MAP4K3: variants seen among roughly 807,000 people sequenced by gnomAD.
MAP4K3 encodes the protein mitogen-activated protein kinase kinase kinase kinase 3, also known as MAPK/ERK kinase kinase kinase 3.
A neutral mutation model predicts 143.5 loss-of-function variants in MAP4K3; 94 were observed. That is an observed-to-expected ratio of 0.65 (90% CI 0.55 to 0.78). The LOEUF is 0.78. MAP4K3 is among the 30% of genes least tolerant of loss of function. The pLI is 0.00. For missense variants in MAP4K3, 1,077 were observed against 1,068.1 expected (o/e 1.01, Z -0.12); for synonymous variants, 416 against 347.2 (o/e 1.20, Z -2.20).
intron 1 of MAP4K3, among the ~76,000 whole-genome samples, chr2:39,425,431 G>A (rs1665038848): frequency 1.3e-5 from 2 of 152,162 alleles, no homozygotes; most frequent in Non-Finnish European, 2.9e-5. Context: ...ACATGTTGAA[G>A]ACCTAACCCT....
chr2:39,362,319 T>A (rs116605829), intron 2 of MAP4K3, among the ~76,000 whole-genome samples: 67 of 152,276 alleles, frequency 4.4e-4, no homozygotes, highest in African/African-American at 1.5e-3. Flanking sequence ...GAAGATGACA[T>A]GACATTGCAT....
At chr2:39,256,549 A>G (rs1573058756) in intron 31 of MAP4K3, among the ~76,000 whole-genome samples, 1 of 152,358 alleles carries the variant, frequency 6.6e-6, no homozygotes, top group East Asian at 1.9e-4. Flanking sequence ...TGTATTACAT[A>G]AATACATTTT....
chr2:39,436,228 C>A (rs1275969345), intron 1 of MAP4K3, among the ~76,000 whole-genome samples: 1 of 151,970 alleles, frequency 6.6e-6, no homozygotes, highest in Non-Finnish European at 1.5e-5. Flanking sequence ...AAACCAGTAC[C>A]TTCCCTAAGT....
chr2:39,255,592 T>C (rs1016264735), intron 31 of MAP4K3, among the ~76,000 whole-genome samples: 1 of 152,242 alleles, frequency 6.6e-6, no homozygotes, highest in South Asian at 2.1e-4. Flanking sequence ...TTAATCACTA[T>C]GGCTTTATAG....
At chr2:39,430,865 A>G (rs1483765371) in intron 1 of MAP4K3, among the ~76,000 whole-genome samples, 1 of 152,188 alleles carries the variant, frequency 6.6e-6, no homozygotes, top group Admixed American at 6.6e-5. Context: ...GTCAAGCCCA[A>G]TGCCACCTCC....
chr2:39,332,151 G>A (rs749429429), intron 7 of MAP4K3, among the ~76,000 whole-genome samples, 162 bp from the exon 8 acceptor site: 3 of 151,966 alleles, frequency 2.0e-5, no homozygotes, highest in East Asian at 3.8e-4. Context: ...TAATGGACTC[G>A]CATTAAAATA....
chr2:39,309,595 T>A, intron 13 of MAP4K3, 76 bp from the exon 14 acceptor site: 1 of 845,388 alleles, frequency 1.2e-6, no homozygotes, highest in Non-Finnish European at 1.8e-6. Flanking sequence ...TCTTGCTCTG[T>A]CTCCCACGCT....
chr2:39,290,501 T>C (rs779029820), intron 18 of MAP4K3, among the ~76,000 whole-genome samples, 167 bp from the exon 19 acceptor site: 18 of 152,164 alleles, frequency 1.2e-4, no homozygotes, highest in Non-Finnish European at 2.5e-4. Context: ...CTAGAGGTAT[T>C]ATTCAGAAGT....
intron 33 of MAP4K3, 37 bp downstream of exon 33, chr2:39,251,792 GT>G: frequency 1.3e-6 from 2 of 1,536,682 alleles, no homozygotes; most frequent in Non-Finnish European, 1.8e-6. Context: ...TATAAAACAC[GT>G]TTAGTACTGT....
At chr2:39,396,212 A>G (rs1346733464) in intron 1 of MAP4K3, among the ~76,000 whole-genome samples, 6 of 151,820 alleles carry the variant, frequency 4.0e-5, no homozygotes, top group Non-Finnish European at 5.9e-5. Flanking sequence ...TAATTTTTAA[A>G]TTTTTTAATG....
At chr2:39,282,159 C>A (rs1023158343) in intron 22 of MAP4K3, among the ~76,000 whole-genome samples, 2 of 149,764 alleles carry the variant, frequency 1.3e-5, no homozygotes, top group Admixed American at 1.3e-4. Context: ...TATGCCACTG[C>A]ACTCTAGCCT....
At chr2:39,331,848 T>G (rs1683691532) in intron 8 of MAP4K3, 69 bp downstream of exon 8, 1 of 1,039,332 alleles carries the variant, frequency 9.6e-7, no homozygotes, top group Non-Finnish European at 1.4e-6. Flanking sequence ...CTGACCAGTC[T>G]ATTTTTTAGA....
intron 1 of MAP4K3, among the ~76,000 whole-genome samples, chr2:39,425,118 C>G (rs893504200): frequency 6.6e-6 from 1 of 152,028 alleles, no homozygotes; most frequent in Non-Finnish European, 1.5e-5. Context: ...CCACCACCCC[C>G]CCAGCCCCTC....
intron 2 of MAP4K3, among the ~76,000 whole-genome samples, chr2:39,362,649 T>G (rs1300232386): frequency 6.6e-6 from 1 of 152,192 alleles, no homozygotes; most frequent in Non-Finnish European, 1.5e-5. Flanking sequence ...TTCAATGTAA[T>G]CTGGAGAACA....
chr2:39,286,870 T>C lies in MAP4K3; in HGVS notation c.1569A>G (p.Lys523=). 1 of 1,605,286 alleles carries C rather than the reference T, an allele frequency of 6.2e-7. No individual in the cohort carries two copies. Among genetic ancestry groups the C allele is most frequent in the Non-Finnish European group, 8.5e-7 (1 of 1,177,734 alleles). The change falls in exon 21 of 34, where the codon AAA becomes AAG. Residue 523 remains lysine, a synonymous_variant. Transcript: ENST00000263881. ...NEHRGTNLSR[K]EKKDVPKPIS... is the part of the protein sequence containing the mutation. Reference sequence around the variant, plus strand: ...TACCTACTGGTACATCTTTCTTTTCTTTTCTTGAAAGGTTTGTGCCTCTAT... The same window carrying C: ...TACCTACTGGTACATCTTTCTTTTCCTTTCTTGAAAGGTTTGTGCCTCTAT...
At chr2:39,322,790 C>T (rs1473669721) in intron 12 of MAP4K3, among the ~76,000 whole-genome samples, 1 of 151,764 alleles carries the variant, frequency 6.6e-6, no homozygotes, top group Admixed American at 6.6e-5. Context: ...TTGCCACAGC[C>T]CCCTGAATAG....
intron 4 of MAP4K3, among the ~76,000 whole-genome samples, chr2:39,339,123 C>A (rs749482889): frequency 6.6e-6 from 1 of 152,148 alleles, no homozygotes; most frequent in African/African-American, 2.4e-5. Flanking sequence ...CACATTTACA[C>A]AAACTTAACA....
Position 39,333,548 on chromosome 2 carries a change from A to G in MAP4K3, c.441T>C (p.Asn147=), listed in dbSNP as rs1369411771. 6.8e-6 allele frequency: 11 copies of G among 1,606,842 alleles called. No homozygotes were observed. The highest frequency in any genetic ancestry group is 5.5e-5 in the South Asian group (5 of 90,512). The change falls in exon 7 of 34, where the codon AAT becomes AAC. Residue 147 remains asparagine, a synonymous_variant. Transcript: ENST00000263881. ...TTTACTTACCCAATTTCACATGACC[A>G]TTATCCGTTAATAGAATGTTAGCTC... ...IKGANILLTD[N]GHVKLADFGV...
At chr2:39,428,720 T>C (rs368759263) in intron 1 of MAP4K3, among the ~76,000 whole-genome samples, 14 of 151,882 alleles carry the variant, frequency 9.2e-5, no homozygotes, top group East Asian at 3.9e-4. Flanking sequence ...AAAATGGATA[T>C]CTTTTTAAAT....
Sources: allele counts gnomAD v4.1 joint callset (sites outside exome capture counted in the v4.1 genomes callset), GRCh38; gene constraint gnomAD v4.1.1; transcripts MANE v1.5; gene names NCBI Gene and HGNC (gene_info 2026-07-23, HGNC 2026-07-21).